TASOR2: variants seen among roughly 807,000 people sequenced by gnomAD.
The protein encoded by TASOR2 is protein TASOR 2.
TASOR2 carries 84 observed loss-of-function variants against 199.5 expected under a neutral mutation model. The ratio of observed to expected loss-of-function variants is 0.42; its 90% CI spans 0.35 to 0.50. TASOR2 has a LOEUF of 0.50. Ranked by LOEUF, TASOR2 falls within the 20% of genes least tolerant of loss-of-function variation. The probability of loss-of-function intolerance (pLI) is 0.02; values close to 1 mark genes in which losing one functional copy is unlikely to be tolerated. For synonymous variants in TASOR2, 1,103 were observed against 1,046.6 expected (o/e 1.05, Z -1.04); for missense variants, 2,796 against 2,835.9 (o/e 0.99, Z 0.32).
chr10:5,691,835 T>C (rs1470900376), intron 1 of TASOR2, among the ~76,000 whole-genome samples: 2 of 152,188 alleles, frequency 1.3e-5, no homozygotes, highest in African/African-American at 2.4e-5. Flanking sequence ...ACCTCATCCC[T>C]ACCCCAGGCA....
chr10:5,707,919 A>C (rs923396720), intron 1 of TASOR2, among the ~76,000 whole-genome samples: 10 of 152,200 alleles, frequency 6.6e-5, no homozygotes, highest in Non-Finnish European at 1.5e-4. Flanking sequence ...GCACCTAGTG[A>C]GTTCAATAGG....
rs1838658285 is a variant in TASOR2 at position 5,706,717 on chromosome 10, C to G, written c.-287-6106C>G. ...TAATACATACAGTTAAGTAGTGAAA[C>G]CTAGGCCTAGCACGGTGGCTCATGC... On this transcript the variant is annotated intron_variant, in intron 1 of 20. Transcript: ENST00000328090. The surrounding 1 kb of genome is among the most constrained non-coding windows in gnomAD (Gnocchi z 4.8). Among the ~76,000 whole-genome samples, 1 of 152,006 alleles carries G rather than the reference C, an allele frequency of 6.6e-6. No homozygotes were observed. Among genetic ancestry groups the G allele is most frequent in the African/African-American group, 2.4e-5 (1 of 41,388 alleles).
At chr10:5,757,488 C>CT in intron 16 of TASOR2, 32 bp from the exon 18 acceptor site, 1 of 1,570,350 alleles carries the variant, frequency 6.4e-7, no homozygotes, top group East Asian at 2.3e-5. Context: ...CAGTGAGCCT[C>CT]TCTTCACCGG....
chr10:5,730,382 A>G lies in TASOR2; in HGVS notation c.488-105A>G. 2 of 830,446 alleles carry G rather than the reference A, an allele frequency of 2.4e-6. No individual in the cohort carries two copies. The highest frequency in any genetic ancestry group is 1.8e-6 in the Non-Finnish European group (1 of 542,480). 51.4% of individuals were successfully genotyped at this position (830,446 alleles called of 1,614,324 possible). A position where few individuals can be genotyped will look rare whatever the true frequency, so the allele number is the denominator to read the frequency against. On this transcript the variant is annotated intron_variant, in intron 10 of 20. Coordinates refer to ENST00000328090, the Ensembl canonical transcript of TASOR2. The surrounding 1 kb of genome is among the most constrained non-coding windows in gnomAD (Gnocchi z 4.1). The stretch of plus-strand genomic sequence containing the variant: ...AGGTTGTCATTTGAAATACTATAAC[A>G]TATTTAACCATCACATAATTTTGAA...
chr10:5,731,530 A>C (rs1048688879), intron 11 of TASOR2, among the ~76,000 whole-genome samples: 2 of 152,206 alleles, frequency 1.3e-5, no homozygotes, highest in Non-Finnish European at 2.9e-5. Context: ...CCATCTCAAT[A>C]ATAATAATAG....
rs1176728017 is a variant in TASOR2 at position 5,740,062 on chromosome 10, A to G, written c.1892A>G (p.Gln631Arg). 1 of 1,614,100 alleles carries G rather than the reference A, an allele frequency of 6.2e-7. No homozygotes were observed. Among genetic ancestry groups the G allele is most frequent in the East Asian group, 2.2e-5 (1 of 44,890 alleles). The change falls in exon 13 of 21, where the codon CAG (glutamine) becomes CGG (arginine). Residue 631 changes from glutamine (Q) to arginine (R), a missense_variant. Physicochemically the swap from Gln to Arg is conservative, Grantham distance 43. Coordinates refer to ENST00000328090, the Ensembl canonical transcript of TASOR2. The surrounding 1 kb of genome is among the most constrained non-coding windows in gnomAD (Gnocchi z 5.3). ...TGTAGTCAGGCCCCTGCTAAAGCCC[A>G]GTCAGCACTTACTGAGGAAATGCTA...
Position 5,749,681 on chromosome 10 carries a change from CTG to C in TASOR2, c.6262_6263del (p.Val2088PhefsTer19). 2.5e-6 allele frequency: 4 copies of C among 1,614,202 alleles called. No individual in the cohort carries two copies. The highest frequency in any genetic ancestry group is 3.4e-6 in the Non-Finnish European group (4 of 1,180,008). ...CTTAGAAATTCTCAAAGAAATCACA[CTG>C]TTTCATTCCACCTCAACAAACTGAA... On this transcript the variant is annotated frameshift_variant, in exon 15 of 21. Coordinates refer to ENST00000328090, the Ensembl canonical transcript of TASOR2. LOFTEE classifies it high-confidence loss of function.
chr10:5,727,142 C>A lies in TASOR2; in HGVS notation c.487+19C>A, dbSNP rs765559240. ...TCAACAGGTGAGGATACAATGGTTT[C>A]CAGCTCACTCTGTCTGTTGGATATA... On this transcript the variant is annotated intron_variant, in intron 10 of 20. Transcript: ENST00000328090. 1.9e-6 allele frequency: 3 copies of A among 1,613,544 alleles called. No individual in the cohort carries two copies. Among genetic ancestry groups the A allele is most frequent in the African/African-American group, 2.7e-5 (2 of 75,016 alleles).
chr10:5,751,651 G>C lies in TASOR2; in HGVS notation c.6606+1624G>C, dbSNP rs1017829902. Among the ~76,000 whole-genome samples, 1 of 152,114 alleles carries C rather than the reference G, an allele frequency of 6.6e-6. No homozygotes were observed. Among genetic ancestry groups the C allele is most frequent in the Non-Finnish European group, 1.5e-5 (1 of 68,036 alleles). On this transcript the variant is annotated intron_variant, in intron 15 of 20. Coordinates refer to ENST00000328090, the Ensembl canonical transcript of TASOR2. This position sits in a 1 kb window ranked among gnomAD's most constrained non-coding sequence, Gnocchi z 5.3. The stretch of plus-strand genomic sequence containing the variant: ...CTTATCGTGTATTTTCCTTGCCCTA[G>C]TCTTGAAGTCAAGCATTTCTCCAAG...
intron 1 of TASOR2, among the ~76,000 whole-genome samples, chr10:5,696,016 G>A (rs9423726): frequency 0.66 from 100,491 of 151,976 alleles, 33,523 homozygotes; most frequent in African/African-American, 0.74. Context: ...CTACCTTGAC[G>A]GAAGACTGAA....
intron 15 of TASOR2, among the ~76,000 whole-genome samples, chr10:5,753,407 G>T (rs1838348894): frequency 6.6e-6 from 1 of 152,190 alleles, no homozygotes; most frequent in Admixed American, 6.5e-5. Flanking sequence ...CTGTCACCCA[G>T]ACTGGAGTGC....
rs1400226935 is a variant in TASOR2 at position 5,749,018 on chromosome 10, A to G, written c.5597A>G (p.Tyr1866Cys). ...AAAAAAGATGTTCCCACAGATGGCT[A>G]TGAGTCGTCGTTGAACTTCCACAAC... Residue 1866 changes from tyrosine (Y) to cysteine (C), a missense_variant, in exon 15 of 21, where the codon TAT (tyrosine) becomes TGT (cysteine). Around this residue, in one of 3 missense-constraint regions of TASOR2, gnomAD observed 1,941 missense variants for 1,924.9 expected, o/e 1.01. Transcript: ENST00000328090. 7 of 1,614,066 alleles carry G rather than the reference A, an allele frequency of 4.3e-6. No homozygotes were observed. Among genetic ancestry groups the G allele is most frequent in the Middle Eastern group, 1.6e-4 (1 of 6,084 alleles).
exon 15 of TASOR2, chr10:5,746,615 A>G: frequency 6.2e-7 from 1 of 1,614,224 alleles, no homozygotes; most frequent in Non-Finnish European, 8.5e-7. Context: ...GTACCAATAC[A>G]GACAGAAGGT....
intron 14 of TASOR2, 33 bp from the exon 16 acceptor site, chr10:5,746,146 G>GA: frequency 1.0e-6 from 1 of 972,404 alleles, no homozygotes; most frequent in Non-Finnish European, 1.4e-6. Context: ...TTATATGACT[G>GA]ATTTTTTTTT....
chr10:5,708,059 C>CT (rs1831350961), intron 1 of TASOR2, among the ~76,000 whole-genome samples: 1 of 152,154 alleles, frequency 6.6e-6, no homozygotes, highest in African/African-American at 2.4e-5. Flanking sequence ...ACCTCCAGTT[C>CT]TTTTTGGGGG....
Position 5,724,427 on chromosome 10 carries a change from C to A in TASOR2, c.248-3C>A. The stretch of plus-strand genomic sequence containing the variant: ...AGAAATGTTTTTCTGGTTTTCTCTA[C>A]AGTCTGTTTTCAAGATTTGTGCTTC... On this transcript the variant is annotated splice_polypyrimidine_tract_variant and splice_region_variant and intron_variant, in intron 7 of 20. Transcript: ENST00000328090. 3 of 1,486,830 alleles carry A rather than the reference C, an allele frequency of 2.0e-6. No individual in the cohort carries two copies. The highest frequency in any genetic ancestry group is 2.7e-6 in the Non-Finnish European group (3 of 1,102,966). The allele number at this position is 1,486,830 out of a possible 1,614,324, so 92.1% of individuals were successfully genotyped here. A position where few individuals can be genotyped will look rare whatever the true frequency, so the allele number is the denominator to read the frequency against.
chr10:5,686,834 C>A (rs1314187785), intron 1 of TASOR2, among the ~76,000 whole-genome samples: 1 of 152,064 alleles, frequency 6.6e-6, no homozygotes, highest in African/African-American at 2.4e-5. Context: ...TTTCTTTCGC[C>A]CATGTAACTA....
At position 5,754,751 on chromosome 10, in the gene TASOR2, A is replaced by G. The variant is rs1260812699; in HGVS notation, c.6607-1862A>G. Among the ~76,000 whole-genome samples the G allele has an allele frequency of 6.6e-6, 1 of 152,134 alleles. No individual in the cohort carries two copies. Among genetic ancestry groups the G allele is most frequent in the Admixed American group, 6.6e-5 (1 of 15,266 alleles). ...AAGGTAAAACTACTTGTCAACTGAG[A>G]AAGTGGACACGGCCGGGCGCGGTGG... On this transcript the variant is annotated intron_variant, in intron 15 of 20. Coordinates refer to ENST00000328090, the Ensembl canonical transcript of TASOR2. This position sits in a 1 kb window ranked among gnomAD's most constrained non-coding sequence, Gnocchi z 4.3.
At position 5,740,332 on chromosome 10, in the gene TASOR2, G is replaced by A. The variant is rs1458732750; in HGVS notation, c.2162G>A (p.Arg721Gln). Residue 721 changes from arginine (R) to glutamine (Q), a missense_variant, in exon 13 of 21, where the codon CGA (arginine) becomes CAA (glutamine). Around this residue, in one of 3 missense-constraint regions of TASOR2, gnomAD observed 847 missense variants for 887.4 expected, o/e 0.95. Transcript: ENST00000328090. The surrounding 1 kb of genome is among the most constrained non-coding windows in gnomAD (Gnocchi z 5.3). ...GACCCCGTGGTGAAGCCCAAGGATC[G>A]ACCACCGTCTGCCCGTGTGAAAAAA... The A allele has an allele frequency of 1.2e-6, 2 of 1,614,034 alleles. No individual in the cohort carries two copies. The highest frequency in any genetic ancestry group is 1.7e-5 in the Admixed American group (1 of 60,004).
Sources: gnomAD v4.1 joint callset for allele counts (sites outside exome capture counted in the v4.1 genomes callset) on GRCh38, gnomAD v4.1.1 for gene constraint, gnomAD v4.1.1 regional missense constraint, Gnocchi (gnomAD v3.1) non-coding constraint, MANE v1.5 for transcripts, NCBI Gene and HGNC (gene_info 2026-07-23, HGNC 2026-07-21) for gene names.